Variants in DPYSL2 observed in about 807,000 individuals in gnomAD.
DPYSL2 encodes the protein dihydropyrimidinase-related protein 2.
In DPYSL2, 13 loss-of-function variants were observed where a neutral mutation model predicts 69.9. The ratio of observed to expected loss-of-function variants is 0.19; its 90% CI spans 0.12 to 0.30. DPYSL2 has a LOEUF of 0.30. DPYSL2 is among the 10% of genes least tolerant of loss of function. The pLI is 1.00. For synonymous variants in DPYSL2, 326 were observed against 359.1 expected, an observed-to-expected ratio of 0.91 and a Z score of 1.04; for missense variants, 587 against 918.9, an observed-to-expected ratio of 0.64 and a Z score of 4.67.
chr8:26,623,525 G>A (rs1563414259), intron 3 of DPYSL2, among the ~76,000 whole-genome samples: 1 of 152,182 alleles, frequency 6.6e-6, no homozygotes, highest in Non-Finnish European at 1.5e-5. Flanking sequence ...ACTCGGGTCA[G>A]CTTGCATCCA....
chr8:26,560,465 C>T lies in DPYSL2; in HGVS notation c.355-21504C>T, dbSNP rs1438036269. 2.0e-5 allele frequency among the ~76,000 whole-genome samples: 3 copies of T among 152,132 alleles called. No individual in the cohort carries two copies. The highest frequency in any genetic ancestry group is 4.8e-5 in the African/African-American group (2 of 41,426). ...GGGAAGGTCTGGACCTCCATTTACT[C>T]GATGTTGAAGGCAGACATAAATGAG... On this transcript the variant is annotated intron_variant, in intron 1 of 13. Transcript: ENST00000521913. The surrounding 1 kb of genome is among the most constrained non-coding windows in gnomAD (Gnocchi z 4.4).
At position 26,652,780 on chromosome 8, in the gene DPYSL2, A is replaced by G. The variant is rs754247642; in HGVS notation, c.1776+344A>G. Among the ~76,000 whole-genome samples, 4 of 152,198 alleles carry G rather than the reference A, an allele frequency of 2.6e-5. No homozygotes were observed. Among genetic ancestry groups the G allele is most frequent in the Non-Finnish European group, 5.9e-5 (4 of 68,044 alleles). On this transcript the variant is annotated intron_variant, in intron 12 of 13. Transcript: ENST00000521913. This position sits in a 1 kb window ranked among gnomAD's most constrained non-coding sequence, Gnocchi z 6.3. ...GTTAAGTAGGAGTTTGTCAAGTCAA[A>G]GAAGGGAGATGAGGGAATTTGATAA...
rs7816762 is a variant in DPYSL2 at position 26,608,592 on chromosome 8, A to G, written c.629-15551A>G. ...GACTCCCAGCTGTCCACACAGTTATAAAGAGTAATTAAAAGCTCCCTGAAC... is the reference window on the plus strand; with the variant it reads ...GACTCCCAGCTGTCCACACAGTTATGAAGAGTAATTAAAAGCTCCCTGAAC... On this transcript the variant is annotated intron_variant, in intron 3 of 13. Coordinates refer to ENST00000521913, the MANE Select transcript of DPYSL2 (RefSeq NM_001197293.3). 8.4e-3 allele frequency among the ~76,000 whole-genome samples: 1,284 copies of G among 152,328 alleles called. 16 individuals are homozygous for G. The highest frequency in any genetic ancestry group is 0.029 in the African/African-American group (1,223 of 41,554).
At chr8:26,554,090 A>G (rs1800908336) in intron 1 of DPYSL2, among the ~76,000 whole-genome samples, 1 of 151,818 alleles carries the variant, frequency 6.6e-6, no homozygotes, top group Non-Finnish European at 1.5e-5. Context: ...GGGTTTCACC[A>G]TCTTGGCCAG....
At chr8:26,546,517 T>G (rs1354456356) in intron 1 of DPYSL2, among the ~76,000 whole-genome samples, 1 of 152,196 alleles carries the variant, frequency 6.6e-6, no homozygotes, top group Non-Finnish European at 1.5e-5. Context: ...ATTTATTGTG[T>G]GTATATACAC....
At position 26,623,928 on chromosome 8, in the gene DPYSL2, G is replaced by A. The variant is rs116273049; in HGVS notation, c.629-215G>A. 6.9e-3 allele frequency: 3,803 copies of A among 553,994 alleles called. 89 individuals are homozygous for A. The highest frequency in any genetic ancestry group is 0.057 in the African/African-American group (3,039 of 52,910). The allele number at this position is 553,994 out of a possible 1,614,324, so 34.3% of individuals were successfully genotyped here. On this transcript the variant is annotated intron_variant, in intron 3 of 13. Coordinates refer to ENST00000521913, the MANE Select transcript of DPYSL2 (RefSeq NM_001197293.3). ...ATCTGGGCAGTGCATGTGTGGTTTC[G>A]CTGGAGACATCATCCAATGCCAAGT...
Position 26,565,252 on chromosome 8 carries a change from A to G in DPYSL2, c.355-16717A>G, listed in dbSNP as rs898242076. Among the ~76,000 whole-genome samples the G allele has an allele frequency of 8.7e-6, 1 of 114,398 alleles. No individual in the cohort carries two copies. Among genetic ancestry groups the G allele is most frequent in the Non-Finnish European group, 2.1e-5 (1 of 47,988 alleles). The allele number at this position is 114,398 out of a possible 152,430, so 75.0% of individuals were successfully genotyped here. ...TGTGCTGCAATAAACATAGGAGTGCAGGTGTCTTTTTGATATCATGACTTC... is the reference window on the plus strand; with the variant it reads ...TGTGCTGCAATAAACATAGGAGTGCGGGTGTCTTTTTGATATCATGACTTC... On this transcript the variant is annotated intron_variant, in intron 1 of 13. Coordinates refer to ENST00000521913, the MANE Select transcript of DPYSL2 (RefSeq NM_001197293.3). This position sits in a 1 kb window ranked among gnomAD's most constrained non-coding sequence, Gnocchi z 4.1.
At chr8:26,636,040 G>T (rs779981097) in intron 8 of DPYSL2, among the ~76,000 whole-genome samples, 1 of 152,126 alleles carries the variant, frequency 6.6e-6, no homozygotes, top group Non-Finnish European at 1.5e-5. Flanking sequence ...ACTTCCAGAC[G>T]GACCCAGCGA....
chr8:26,537,410 C>T (rs1434701261), intron 1 of DPYSL2, among the ~76,000 whole-genome samples: 1 of 152,078 alleles, frequency 6.6e-6, no homozygotes, highest in Non-Finnish European at 1.5e-5. Flanking sequence ...TCATATCTAC[C>T]TATAACGTTT....
At position 26,614,945 on chromosome 8, in the gene DPYSL2, C is replaced by T. The variant is rs538460952; in HGVS notation, c.629-9198C>T. ...TTCTCAATTAACTAGCCCTCTTGCTCTCTTTTGATCACACGTTCTGGGGTC... is the reference window on the plus strand; with the variant it reads ...TTCTCAATTAACTAGCCCTCTTGCTTTCTTTTGATCACACGTTCTGGGGTC... On this transcript the variant is annotated intron_variant, in intron 3 of 13. Coordinates refer to ENST00000521913, the MANE Select transcript of DPYSL2 (RefSeq NM_001197293.3). This position sits in a 1 kb window ranked among gnomAD's most constrained non-coding sequence, Gnocchi z 4.9. Among the ~76,000 whole-genome samples, 33 of 152,334 alleles carry T rather than the reference C, an allele frequency of 2.2e-4. No homozygotes were observed. Among genetic ancestry groups the T allele is most frequent in the South Asian group, 1.0e-3 (5 of 4,824 alleles).
chr8:26,569,144 C>T (rs188491829), intron 1 of DPYSL2, among the ~76,000 whole-genome samples: 66 of 152,094 alleles, frequency 4.3e-4, no homozygotes, highest in Non-Finnish European at 1.3e-4. Context: ...ATTGCTTGAG[C>T]CCAAGAGTTC....
At chr8:26,632,637 A>G (rs989206449) in intron 7 of DPYSL2, among the ~76,000 whole-genome samples, 1 of 152,148 alleles carries the variant, frequency 6.6e-6, no homozygotes, top group Non-Finnish European at 1.5e-5. Flanking sequence ...CCAGGAGTTC[A>G]AGACCAACCT....
At chr8:26,530,686 A>G (rs1800496072) in intron 1 of DPYSL2, among the ~76,000 whole-genome samples, 1 of 152,196 alleles carries the variant, frequency 6.6e-6, no homozygotes, top group African/African-American at 2.4e-5. Context: ...GCTGTTTTTC[A>G]AACTTCATTC....
At chr8:26,572,890 G>T (rs754168871) in intron 1 of DPYSL2, among the ~76,000 whole-genome samples, 2 of 152,160 alleles carry the variant, frequency 1.3e-5, no homozygotes, top group Non-Finnish European at 2.9e-5. Context: ...TTATGGTGTC[G>T]GTGAGGATTG....
In DPYSL2 at chr8:26,591,223, C is replaced by T. The variant is rs191171269; in HGVS notation, c.628+7240C>T. On this transcript the variant is annotated intron_variant, in intron 3 of 13. Coordinates refer to ENST00000521913, the MANE Select transcript of DPYSL2 (RefSeq NM_001197293.3). This position sits in a 1 kb window ranked among gnomAD's most constrained non-coding sequence, Gnocchi z 5.8. Reference sequence around the variant, plus strand: ...TTGCCCTAAAGCTGGGTCACACAGACTATTGGGAACTTCCTGTCGATCCTG... The same window carrying T: ...TTGCCCTAAAGCTGGGTCACACAGATTATTGGGAACTTCCTGTCGATCCTG... 6.6e-6 allele frequency among the ~76,000 whole-genome samples: 1 copy of T among 152,324 alleles called. No homozygotes were observed. The highest frequency in any genetic ancestry group is 2.4e-5 in the African/African-American group (1 of 41,578).
At chr8:26,535,497 C>G (rs148642962) in intron 1 of DPYSL2, among the ~76,000 whole-genome samples, 20 of 152,176 alleles carry the variant, frequency 1.3e-4, no homozygotes, top group African/African-American at 4.8e-4. Flanking sequence ...GTTTCATGAC[C>G]TTTTTCTGCT....
In DPYSL2 at chr8:26,564,375, C is replaced by T. The variant is rs368740624; in HGVS notation, c.355-17594C>T. 6.6e-5 allele frequency among the ~76,000 whole-genome samples: 10 copies of T among 152,036 alleles called. No individual in the cohort carries two copies. The highest frequency in any genetic ancestry group is 8.8e-5 in the Non-Finnish European group (6 of 68,022). On this transcript the variant is annotated intron_variant, in intron 1 of 13. Transcript: ENST00000521913. This position sits in a 1 kb window ranked among gnomAD's most constrained non-coding sequence, Gnocchi z 4.8. ...GAGCACAGGGCCAGGGAGATGGGAA[C>T]GGCTGGAGGAGTTTTCCAAGCTCAA...
chr8:26,540,895 ACT>A (rs1284426392), intron 1 of DPYSL2, among the ~76,000 whole-genome samples: 1 of 132,244 alleles, frequency 7.6e-6, no homozygotes, highest in African/African-American at 2.7e-5. Context: ...ACAGAGTGAG[ACT>A]CTGTCTCAAA....
intron 1 of DPYSL2, among the ~76,000 whole-genome samples, chr8:26,538,931 C>T: frequency 6.6e-6 from 1 of 152,216 alleles, no homozygotes; most frequent in Non-Finnish European, 1.5e-5. Flanking sequence ...CCCTCTGCAA[C>T]CTTGGCCACT....
Sources: allele counts gnomAD v4.1 joint callset (sites outside exome capture counted in the v4.1 genomes callset), GRCh38; gene constraint gnomAD v4.1.1; non-coding constraint Gnocchi (gnomAD v3.1); transcripts MANE v1.5; gene names NCBI Gene and HGNC (gene_info 2026-07-23, HGNC 2026-07-21).